Variants in UBXN6 observed in about 807,000 individuals in gnomAD.
The protein encoded by UBXN6 is UBX domain-containing protein 6.
UBXN6 carries 44 observed loss-of-function variants against 51.4 expected under a neutral mutation model. That is an observed-to-expected ratio of 0.86 (90% confidence interval 0.67 to 1.10). UBXN6 has a LOEUF of 1.10. Ranked by LOEUF, UBXN6 falls within the 50% of genes least tolerant of loss-of-function variation. The pLI is 0.00. For missense variants in UBXN6, 672 were observed against 596.1 expected (o/e 1.13, Z -1.32); for synonymous variants, 316 against 263.2 (o/e 1.20, Z -1.94).
chr19:4,450,525 G>C (rs564413900), intron 4 of UBXN6: 5 of 152,022 alleles, frequency 3.3e-5, no homozygotes, highest in Non-Finnish European at 7.4e-5. Context: ...TTGGGAGGCC[G>C]AGGCGGGCGG....
chr19:4,445,718 C>G, intron 10 of UBXN6, 95 bp from the exon 11 acceptor site: 1 of 1,535,976 alleles, frequency 6.5e-7, no homozygotes, highest in Non-Finnish European at 8.7e-7. Context: ...GATGCCCCGG[C>G]CTGGAAGCCA....
intron 3 of UBXN6, among the ~76,000 whole-genome samples, chr19:4,453,232 C>T (rs243396): frequency 0.32 from 49,313 of 152,108 alleles, 8,480 homozygotes; most frequent in East Asian, 0.59. Flanking sequence ...GCGATGGGCT[C>T]GTGTACCTGA....
At chr19:4,454,395 C>T (rs1974708522) in intron 1 of UBXN6, among the ~76,000 whole-genome samples, 1 of 152,188 alleles carries the variant, frequency 6.6e-6, no homozygotes, top group Non-Finnish European at 1.5e-5. Flanking sequence ...CAGCACCCCT[C>T]CTGAGGTGAA....
chr19:4,456,486 C>A (rs1974741231), intron 1 of UBXN6, among the ~76,000 whole-genome samples: 1 of 151,920 alleles, frequency 6.6e-6, no homozygotes, highest in Admixed American at 6.6e-5. Context: ...GGCTGCCTGG[C>A]TGACTTCCTC....
chr19:4,451,051 G>A (rs1164549630), intron 4 of UBXN6, among the ~76,000 whole-genome samples: 1 of 151,998 alleles, frequency 6.6e-6, no homozygotes, highest in Non-Finnish European at 1.5e-5. Flanking sequence ...TTACTATTTT[G>A]TTTTGTTTTG....
At chr19:4,457,493 C>T in intron 1 of UBXN6, 122 bp downstream of exon 1, 1 of 754,698 alleles carries the variant, frequency 1.3e-6, no homozygotes. Context: ...CCTCCCCTGA[C>T]CCTCGCGTGC....
At chr19:4,449,325 A>C (rs1974607138) in intron 4 of UBXN6, 1 of 153,438 alleles carries the variant, frequency 6.5e-6, no homozygotes, top group African/African-American at 2.4e-5. Context: ...CAGGCAGCCC[A>C]GAGCTCCACC....
chr19:4,446,397 G>A lies in UBXN6; in HGVS notation c.937C>T (p.Arg313Trp), dbSNP rs776268944. 33 of 1,578,534 alleles carry A rather than the reference G, an allele frequency of 2.1e-5. No homozygotes were observed. The highest frequency in any genetic ancestry group is 4.6e-5 in the East Asian group (2 of 43,740). ...GCCTTGGTCCGCAGCACGCTCAGCC[G>A]CTCCACCGCCTCGGACCTGCACACG... ...EQRLRSEAVE[R>W]LSVLRTKAMR... Residue 313 changes from arginine (R) to tryptophan (W), a missense_variant, in exon 9 of 11, where the codon CGG (arginine) becomes TGG (tryptophan). By Grantham distance (101) the Arg-to-Trp change is moderately radical (BLOSUM62 -3). Coordinates refer to ENST00000301281, the MANE Select transcript of UBXN6 (RefSeq NM_025241.3).
At chr19:4,454,220 G>T (rs547362689) in intron 1 of UBXN6, 127 bp from the exon 2 acceptor site, 2 of 1,100,490 alleles carry the variant, frequency 1.8e-6, no homozygotes, top group South Asian at 3.3e-5. Flanking sequence ...TGCCTATGTG[G>T]GCCAGGACAC....
In UBXN6 at chr19:4,446,178, C is replaced by T. The variant is rs532236289; in HGVS notation, c.1071G>A (p.Glu357=). The T allele has an allele frequency of 1.7e-5, 27 of 1,607,874 alleles. No homozygotes were observed. The South Asian group carries it at 2.3e-4, about 14-fold the overall frequency. ...CLLQGTFYAR[E]RLGAVYGFVR... Reference sequence around the variant, plus strand: ...CGAACCCGTACACCGCCCCCAGCCGCTCCCGAGCGTAGAAAGTGCCTGGGG... The same window carrying T: ...CGAACCCGTACACCGCCCCCAGCCGTTCCCGAGCGTAGAAAGTGCCTGGGG... Residue 357 remains glutamate (E), a synonymous_variant, in exon 10 of 11, where the codon GAG becomes GAA. Transcript: ENST00000301281.
At chr19:4,453,158 C>T (rs1034438894) in intron 3 of UBXN6, among the ~76,000 whole-genome samples, 6 of 152,154 alleles carry the variant, frequency 3.9e-5, no homozygotes, top group African/African-American at 1.2e-4. Context: ...CTCTCAACCC[C>T]GGTTCTCTTT....
Position 4,448,387 on chromosome 19 carries a change from G to C in UBXN6, c.470C>G (p.Ser157Cys), listed in dbSNP as rs1361012761. Residue 157 changes from serine to cysteine, a missense_variant, in exon 5 of 11, where the codon TCC becomes TGC. Coordinates refer to ENST00000301281, the MANE Select transcript of UBXN6 (RefSeq NM_025241.3). ...LHFSTDPVAA[S>C]IMKIYTFNKD... The stretch of plus-strand genomic sequence containing the variant: ...GTTGAACGTGTAGATCTTCATGATG[G>C]AGGCGGCCACTGGGTCGGTGGAGAA... 1 of 1,609,260 alleles carries C rather than the reference G, an allele frequency of 6.2e-7. No homozygotes were observed. The highest frequency in any genetic ancestry group is 8.5e-7 in the Non-Finnish European group (1 of 1,178,360).
intron 2 of UBXN6, 95 bp from the exon 3 acceptor site, chr19:4,453,617 G>A (rs1974693206): frequency 5.6e-6 from 8 of 1,441,048 alleles, no homozygotes; most frequent in Non-Finnish European, 7.6e-6. Flanking sequence ...GGGCCTGGGG[G>A]CCACGCACAC....
chr19:4,446,282 C>T lies in UBXN6; in HGVS notation c.1051+1G>A, dbSNP rs1324258056. ...CCTCCACGGGCATCGTTGGTGCCCA[C>T]CCTGCAGGAGGCAGCCATCGGGGAG... On this transcript the variant is annotated splice_donor_variant, in intron 9 of 10. Coordinates refer to ENST00000301281, the MANE Select transcript of UBXN6 (RefSeq NM_025241.3). LOFTEE classifies it high-confidence loss of function. The T allele has an allele frequency of 1.3e-6, 2 of 1,571,808 alleles. No homozygotes were observed. Among genetic ancestry groups the T allele is most frequent in the Admixed American group, 1.8e-5 (1 of 55,552 alleles).
chr19:4,447,336 G>T, intron 6 of UBXN6: 1 of 593,576 alleles, frequency 1.7e-6, no homozygotes, highest in Non-Finnish European at 3.0e-6. Flanking sequence ...GTGAGGAGAG[G>T]CAGAATTTGT....
chr19:4,451,092 CAGTGTCCACGCTGGAGCTCA>C (rs1453029618), intron 4 of UBXN6, among the ~76,000 whole-genome samples: 3 of 152,128 alleles, frequency 2.0e-5, no homozygotes, highest in African/African-American at 7.2e-5. Context: ...TCTTGTCACC[CAGTGTCCACGCTGGAGCTCA>C]ATGGCGTGAT....
At chr19:4,447,725 C>T in intron 5 of UBXN6, 100 bp from the exon 6 acceptor site, 6 of 1,258,614 alleles carry the variant, frequency 4.8e-6, no homozygotes, top group Non-Finnish European at 5.8e-6. Flanking sequence ...CCACACTTGG[C>T]CTCTAGTCAG....
At position 4,452,539 on chromosome 19, in the gene UBXN6, C is replaced by T. The variant is rs1014951754; in HGVS notation, c.313-47G>A. 4 of 1,578,664 alleles carry T rather than the reference C, an allele frequency of 2.5e-6. No individual in the cohort carries two copies. The Admixed American group carries it at 5.5e-5, about 22-fold the overall frequency. On this transcript the variant is annotated intron_variant, in intron 3 of 10. Coordinates refer to ENST00000301281, the MANE Select transcript of UBXN6 (RefSeq NM_025241.3). ...AGTCTGGACCGTGGACAGAGGCCAC[C>T]CCGACCCTCGCCGAGCACCACAGTC...
At position 4,457,735 on chromosome 19, in the gene UBXN6, G is replaced by C. The variant is rs573235961; in HGVS notation, c.-38C>G. On this transcript the variant is annotated 5_prime_UTR_variant, in exon 1 of 11. Coordinates refer to ENST00000301281, the MANE Select transcript of UBXN6 (RefSeq NM_025241.3). ...CCCGGCGGCGGGGGGCCGCGGGGGC[G>C]GGGGGGCACGGGGCCCAGTCGGGGA... The C allele has an allele frequency of 7.2e-6, 10 of 1,386,738 alleles. No individual in the cohort carries two copies. In the African/African-American group the frequency reaches 1.2e-4, roughly 17 times the overall value. The allele number at this position is 1,386,738 out of a possible 1,614,324, so 85.9% of individuals were successfully genotyped here.
Sources: allele counts gnomAD v4.1 joint callset (sites outside exome capture counted in the v4.1 genomes callset), GRCh38; gene constraint gnomAD v4.1.1; transcripts MANE v1.5; gene names NCBI Gene and HGNC (gene_info 2026-07-23, HGNC 2026-07-21).